The following CTNNA2 variants were observed in gnomAD, a reference collection of about 807,000 sequenced individuals.
The protein encoded by CTNNA2 is catenin alpha-2.
CTNNA2 carries 42 observed loss-of-function variants against 101.0 expected under a neutral mutation model. That is an observed-to-expected ratio of 0.42 (90% CI 0.32 to 0.54). The LOEUF is 0.54. Among genes scored for constraint, CTNNA2 ranks in the 20% least tolerant of loss-of-function variants. The pLI is 0.14. For synonymous variants in CTNNA2, 450 were observed against 456.4 expected, an observed-to-expected ratio of 0.99 and a Z score of 0.18; for missense variants, 871 against 1,223.1, an observed-to-expected ratio of 0.71 and a Z score of 4.29.
At chr2:79,467,661 A>C (rs1279203436) in intron 4 of CTNNA2, among the ~76,000 whole-genome samples, 1 of 152,244 alleles carries the variant, frequency 6.6e-6, no homozygotes, top group Non-Finnish European at 1.5e-5. Flanking sequence ...GAAGCCTATC[A>C]GACTAAGAGC....
intron 9 of CTNNA2, among the ~76,000 whole-genome samples, chr2:80,500,004 C>A (rs1013254859): frequency 1.3e-5 from 2 of 151,016 alleles, no homozygotes; most frequent in African/African-American, 4.9e-5. Flanking sequence ...AAATCCTTGC[C>A]ATGTAAGTCT....
chr2:80,079,828 T>A (rs868602722), intron 7 of CTNNA2, among the ~76,000 whole-genome samples: 1 of 120,086 alleles, frequency 8.3e-6, no homozygotes, highest in African/African-American at 3.2e-5. Flanking sequence ...TAAAATAAAA[T>A]AAATAAAATA....
At position 79,584,716 on chromosome 2, in the gene CTNNA2, C is replaced by T. The variant is rs185847171; in HGVS notation, c.-5-66836C>T. On this transcript the variant is annotated intron_variant, in intron 1 of 18. Transcript: ENST00000402739. ...TATATTTTTAGTAGAGATGGGGTTT[C>T]ACCATGTTGTCCAGGCTGGTCTCGA... 3.9e-3 allele frequency among the ~76,000 whole-genome samples: 590 copies of T among 152,112 alleles called. 5 individuals are homozygous for T. Among genetic ancestry groups the T allele is most frequent in the Middle Eastern group, 0.014 (4 of 292 alleles).
intron 7 of CTNNA2, among the ~76,000 whole-genome samples, chr2:80,181,438 A>G (rs914482733): frequency 1.3e-5 from 2 of 152,146 alleles, no homozygotes; most frequent in Non-Finnish European, 2.9e-5. Context: ...GCAGGGTCCC[A>G]TTCTTTTCCA....
intron 1 of CTNNA2, among the ~76,000 whole-genome samples, chr2:79,564,155 G>T (rs895748407): frequency 1.3e-5 from 2 of 151,882 alleles, no homozygotes; most frequent in Non-Finnish European, 2.9e-5. Flanking sequence ...GATAAAAACC[G>T]CATGCTGAGC....
intron 2 of CTNNA2, among the ~76,000 whole-genome samples, chr2:79,730,537 A>G (rs1159103802): frequency 6.6e-6 from 1 of 151,960 alleles, no homozygotes; most frequent in Non-Finnish European, 1.5e-5. Flanking sequence ...ATAGGAGACT[A>G]GTATTGTTGG....
intron 7 of CTNNA2, among the ~76,000 whole-genome samples, chr2:80,130,976 A>G (rs1454142720): frequency 6.6e-6 from 1 of 151,986 alleles, no homozygotes; most frequent in African/African-American, 2.4e-5. Context: ...CAAAAAAAAA[A>G]AGAGAAGAAT....
At chr2:79,458,709 G>T (rs1264967294) in intron 4 of CTNNA2, among the ~76,000 whole-genome samples, 1 of 152,102 alleles carries the variant, frequency 6.6e-6, no homozygotes, top group Non-Finnish European at 1.5e-5. Flanking sequence ...AAACTTCCTA[G>T]GGAGAATGAA....
chr2:79,213,460 A>T (rs953436319), intron 2 of CTNNA2, among the ~76,000 whole-genome samples: 1 of 152,190 alleles, frequency 6.6e-6, no homozygotes, highest in South Asian at 2.1e-4. Flanking sequence ...GCTTGAGTTA[A>T]GGCAACTAGT....
chr2:79,611,655 A>G (rs138043748), intron 1 of CTNNA2, among the ~76,000 whole-genome samples: 1 of 152,268 alleles, frequency 6.6e-6, no homozygotes, highest in East Asian at 1.9e-4. Context: ...TGGGCAGGGT[A>G]GTTCTGAGGC....
At chr2:79,541,047 C>A (rs1359490834) in intron 1 of CTNNA2, among the ~76,000 whole-genome samples, 3 of 151,968 alleles carry the variant, frequency 2.0e-5, no homozygotes, top group African/African-American at 4.8e-5. Flanking sequence ...TATAAAATGT[C>A]CATGAGACAT....
chr2:79,981,047 G>A (rs931578200), intron 7 of CTNNA2, among the ~76,000 whole-genome samples: 3 of 152,026 alleles, frequency 2.0e-5, no homozygotes, highest in Non-Finnish European at 1.5e-5. Context: ...TATCAGCCAC[G>A]TATGGAGAGA....
intron 3 of CTNNA2, among the ~76,000 whole-genome samples, chr2:79,830,272 T>G (rs1473692314): frequency 6.6e-6 from 1 of 152,108 alleles, no homozygotes; most frequent in Non-Finnish European, 1.5e-5. Flanking sequence ...TGCTTCCACT[T>G]TGGACTTCAG....
intron 7 of CTNNA2, among the ~76,000 whole-genome samples, chr2:80,129,819 CT>C (rs2148892513): frequency 6.6e-6 from 1 of 152,262 alleles, no homozygotes; most frequent in African/African-American, 2.4e-5. Flanking sequence ...GGTCACCTGG[CT>C]ACTCTACTGT....
At chr2:79,608,405 T>C (rs761060614) in intron 1 of CTNNA2, among the ~76,000 whole-genome samples, 1 of 152,090 alleles carries the variant, frequency 6.6e-6, no homozygotes, top group East Asian at 1.9e-4. Context: ...TTTTATCTCA[T>C]TCTATATGGC....
intron 2 of CTNNA2, among the ~76,000 whole-genome samples, chr2:79,739,009 C>G (rs1351285854): frequency 1.3e-5 from 2 of 151,802 alleles, no homozygotes; most frequent in Non-Finnish European, 2.9e-5. Flanking sequence ...AACATCAGCT[C>G]CATCTTTACA....
intron 7 of CTNNA2, among the ~76,000 whole-genome samples, chr2:80,286,818 G>A (rs2149170061): frequency 6.6e-6 from 1 of 152,176 alleles, no homozygotes; most frequent in African/African-American, 2.4e-5. Flanking sequence ...TTCTACCTTT[G>A]GTTGTCATTA....
chr2:80,409,291 T>C (rs755372063), intron 8 of CTNNA2, among the ~76,000 whole-genome samples: 1 of 151,874 alleles, frequency 6.6e-6, no homozygotes, highest in Non-Finnish European at 1.5e-5. Flanking sequence ...AGAGAATCTT[T>C]AAGTAATAAA....
chr2:79,694,456 C>T (rs904042577), intron 2 of CTNNA2, among the ~76,000 whole-genome samples: 1 of 151,710 alleles, frequency 6.6e-6, no homozygotes, highest in African/African-American at 2.4e-5. Flanking sequence ...TGATTCAGAG[C>T]AAGGAATGCT....
Sources: gnomAD v4.1 joint callset for allele counts (sites outside exome capture counted in the v4.1 genomes callset) on GRCh38, gnomAD v4.1.1 for gene constraint, MANE v1.5 for transcripts, NCBI Gene and HGNC (gene_info 2026-07-23, HGNC 2026-07-21) for gene names.